Variants in SH3RF1 observed in about 807,000 individuals in gnomAD.
SH3RF1 encodes SH3 domain containing ring finger 1, also known as E3 ubiquitin-protein ligase SH3RF1.
SH3RF1 carries 32 observed loss-of-function variants against 74.0 expected under a neutral mutation model. That is an observed-to-expected ratio of 0.43 (90% CI 0.33 to 0.58). SH3RF1 has a LOEUF of 0.58. Ranked by LOEUF, SH3RF1 falls within the 20% of genes least tolerant of loss-of-function variation. The pLI, the probability that SH3RF1 is intolerant of heterozygous loss-of-function variation, is 0.05. For missense variants in SH3RF1, 954 were observed against 1,130.9 expected, an observed-to-expected ratio of 0.84 and a Z score of 2.24; for synonymous variants, 396 against 439.6, an observed-to-expected ratio of 0.90 and a Z score of 1.24.
chr4:169,202,227 T>C lies in SH3RF1; in HGVS notation c.394-45548A>G, dbSNP rs193301776. 5.9e-5 allele frequency among the ~76,000 whole-genome samples: 9 copies of C among 152,312 alleles called. No homozygotes were observed. In the East Asian group the frequency reaches 1.7e-3, roughly 29 times the overall value. ...TTCTTGGTGCCGGGAAGACAAGGAATAGTGTTAGTGCTTTGGCCCTAACAT... is the reference window on the plus strand; with the variant it reads ...TTCTTGGTGCCGGGAAGACAAGGAACAGTGTTAGTGCTTTGGCCCTAACAT... On this transcript the variant is annotated intron_variant, in intron 2 of 11. Coordinates refer to ENST00000284637, the MANE Select transcript of SH3RF1 (RefSeq NM_020870.4).
chr4:169,163,530 G>A (rs779974286), intron 2 of SH3RF1, among the ~76,000 whole-genome samples: 1 of 152,138 alleles, frequency 6.6e-6, no homozygotes, highest in South Asian at 2.1e-4. Context: ...GAGGTAGGAC[G>A]AAAACCAGCA....
intron 4 of SH3RF1, among the ~76,000 whole-genome samples, chr4:169,141,258 G>A (rs1037860469): frequency 6.6e-6 from 1 of 150,628 alleles, no homozygotes; most frequent in African/African-American, 2.4e-5. Context: ...CTACTTTATT[G>A]ATTTTTAATA....
At position 169,107,175 on chromosome 4, in the gene SH3RF1, A is replaced by T. The variant is rs754313701; in HGVS notation, c.2170T>A (p.Ser724Thr). Residue 724 changes from serine to threonine, a missense_variant, in exon 11 of 12, where the codon TCT becomes ACT. Transcript: ENST00000284637. ...GGCTTCCGTTTAGTGGAGGCGCCAG[A>T]AAGCAACTTCAACAAACCCTTTTTT... Reference protein sequence around the residue: ...KEKKGLLKLLSGASTKRKPRV... With the variant: ...KEKKGLLKLLTGASTKRKPRV... 1 of 1,558,034 alleles carries T rather than the reference A, an allele frequency of 6.4e-7. No homozygotes were observed. Among genetic ancestry groups the T allele is most frequent in the Admixed American group, 2.1e-5 (1 of 47,762 alleles).
chr4:169,098,569 C>G (rs375449793), intron 11 of SH3RF1, among the ~76,000 whole-genome samples: 3 of 152,178 alleles, frequency 2.0e-5, no homozygotes. Context: ...GCACAGGGAC[C>G]AAATTACTAC....
intron 2 of SH3RF1, among the ~76,000 whole-genome samples, chr4:169,208,844 C>G (rs1005854839): frequency 6.6e-6 from 1 of 151,762 alleles, no homozygotes; most frequent in African/African-American, 2.4e-5. Context: ...AGTGGGCCTA[C>G]GCAGAAACCC....
intron 10 of SH3RF1, among the ~76,000 whole-genome samples, chr4:169,108,595 C>T (rs1226059694): frequency 6.6e-6 from 1 of 152,132 alleles, no homozygotes; most frequent in African/African-American, 2.4e-5. Context: ...TATAGATGAG[C>T]AGAGCCAGCT....
intron 2 of SH3RF1, among the ~76,000 whole-genome samples, chr4:169,158,090 G>A (rs542724114): frequency 1.1e-4 from 16 of 152,276 alleles, no homozygotes; most frequent in African/African-American, 3.6e-4. Context: ...ACTTAAAGAA[G>A]AATAAGACAG....
intron 2 of SH3RF1, among the ~76,000 whole-genome samples, chr4:169,159,205 T>A (rs970762685): frequency 1.3e-5 from 2 of 152,182 alleles, no homozygotes; most frequent in Non-Finnish European, 2.9e-5. Flanking sequence ...CTGGTCACAT[T>A]ACATTAGTGT....
chr4:169,150,643 C>T (rs1733961538), intron 4 of SH3RF1, among the ~76,000 whole-genome samples: 3 of 152,152 alleles, frequency 2.0e-5, no homozygotes, highest in Admixed American at 2.0e-4. Context: ...GGGGGGTCTT[C>T]TCTACAAAGC....
chr4:169,270,249 G>A (rs1026235614), intron 1 of SH3RF1, among the ~76,000 whole-genome samples: 1 of 152,130 alleles, frequency 6.6e-6, no homozygotes, highest in African/African-American at 2.4e-5. Context: ...CTCCCACGGC[G>A]CCAAGCACAG....
chr4:169,098,684 G>C (rs1732969789), intron 11 of SH3RF1, among the ~76,000 whole-genome samples: 2 of 152,184 alleles, frequency 1.3e-5, no homozygotes, highest in African/African-American at 4.8e-5. Context: ...GCTGGGGTTT[G>C]ATCAAGCATG....
intron 2 of SH3RF1, among the ~76,000 whole-genome samples, chr4:169,193,963 A>C (rs117012703): frequency 6.6e-6 from 1 of 152,288 alleles, no homozygotes; most frequent in East Asian, 1.9e-4. Context: ...AGCTGTACTA[A>C]GACAATCTCA....
At chr4:169,170,835 A>G (rs1290570213) in intron 2 of SH3RF1, among the ~76,000 whole-genome samples, 1 of 152,220 alleles carries the variant, frequency 6.6e-6, no homozygotes, top group East Asian at 1.9e-4. Context: ...GGAAAAGAAG[A>G]GCTGAAAAAT....
intron 2 of SH3RF1, among the ~76,000 whole-genome samples, chr4:169,185,194 C>A (rs544628340): frequency 1.3e-5 from 2 of 152,290 alleles, no homozygotes; most frequent in East Asian, 3.9e-4. Context: ...AAGCACTGTG[C>A]TAAACATTGA....
At chr4:169,162,509 G>A (rs1247159889) in intron 2 of SH3RF1, among the ~76,000 whole-genome samples, 3 of 152,160 alleles carry the variant, frequency 2.0e-5, no homozygotes, top group African/African-American at 7.2e-5. Flanking sequence ...AAAGCACTGT[G>A]CTGGGGAATT....
chr4:169,259,842 T>C (rs1201582862), intron 2 of SH3RF1, among the ~76,000 whole-genome samples: 4 of 152,232 alleles, frequency 2.6e-5, no homozygotes, highest in Admixed American at 2.6e-4. Flanking sequence ...AGTATTTCTA[T>C]CACAAGTACA....
chr4:169,168,067 G>A (rs1424167751), intron 2 of SH3RF1, among the ~76,000 whole-genome samples: 1 of 152,126 alleles, frequency 6.6e-6, no homozygotes, highest in Non-Finnish European at 1.5e-5. Flanking sequence ...TTGAGCCCAG[G>A]AACTCCAGGT....
chr4:169,145,144 G>A (rs752247680), intron 4 of SH3RF1, among the ~76,000 whole-genome samples: 25 of 152,284 alleles, frequency 1.6e-4, no homozygotes, highest in Non-Finnish European at 2.9e-4. Context: ...TACGTTTATT[G>A]CAGCACTATT....
At chr4:169,236,778 A>T (rs1228109384) in intron 2 of SH3RF1, among the ~76,000 whole-genome samples, 3 of 152,194 alleles carry the variant, frequency 2.0e-5, no homozygotes, top group Non-Finnish European at 4.4e-5. Context: ...AAATACATAC[A>T]TTGCTTCTAT....
Sources: gnomAD v4.1 joint callset for allele counts (sites outside exome capture counted in the v4.1 genomes callset) on GRCh38, gnomAD v4.1.1 for gene constraint, MANE v1.5 for transcripts, NCBI Gene and HGNC (gene_info 2026-07-23, HGNC 2026-07-21) for gene names.